The following SEMA6D variants were observed in gnomAD, a reference collection of about 807,000 sequenced individuals.
The protein encoded by SEMA6D is semaphorin-6D.
A neutral mutation model predicts 106.6 loss-of-function variants in SEMA6D; 35 were observed. The observed-to-expected ratio is 0.33, with a 90% CI of 0.25 to 0.44. The LOEUF is 0.44. Among genes scored for constraint, SEMA6D ranks in the 20% least tolerant of loss-of-function variants. SEMA6D has a pLI of 1.00. For missense variants in SEMA6D, 1,185 were observed against 1,345.9 expected (o/e 0.88, Z 1.87); for synonymous variants, 499 against 487.7 (o/e 1.02, Z -0.31).
Position 47,274,170 on chromosome 15 carries a change from C to T in SEMA6D, c.-239+89752C>T, listed in dbSNP as rs573353078. The T allele has an allele frequency of 2.6e-5, 4 of 152,200 alleles. No homozygotes were observed. The East Asian group carries it at 5.8e-4, about 22-fold the overall frequency. The allele number at this position is 152,200 out of a possible 1,614,324, so 9.4% of individuals were successfully genotyped here. On this transcript the variant is annotated intron_variant, in intron 1 of 19. Coordinates refer to the SEMA6D transcript ENST00000558014. Reference sequence around the variant, plus strand: ...TAAAAAATAAAAGAGGAAAAACATCCGCCTGCTTGTTTAAGATGCTCAGCA... The same window carrying T: ...TAAAAAATAAAAGAGGAAAAACATCTGCCTGCTTGTTTAAGATGCTCAGCA...
chr15:47,332,428 G>C (rs936130111), intron 1 of SEMA6D, among the ~76,000 whole-genome samples: 3 of 152,202 alleles, frequency 2.0e-5, no homozygotes, highest in Admixed American at 6.5e-5. Flanking sequence ...TTATCTTTAA[G>C]TTCAAGGTTT....
intron 3 of SEMA6D, among the ~76,000 whole-genome samples, chr15:47,584,446 G>A (rs2076303621): frequency 6.6e-6 from 1 of 151,870 alleles, no homozygotes; most frequent in South Asian, 2.1e-4. Flanking sequence ...AAAAAGGAGA[G>A]TGAATGAATG....
intron 1 of SEMA6D, among the ~76,000 whole-genome samples, chr15:47,343,077 T>C (rs2037886814): frequency 2.0e-5 from 3 of 152,120 alleles, no homozygotes; most frequent in Admixed American, 2.0e-4. Context: ...GTATCTTCCC[T>C]GTTGATTTCC....
chr15:47,443,255 G>A (rs1410483452), intron 2 of SEMA6D, among the ~76,000 whole-genome samples: 1 of 152,030 alleles, frequency 6.6e-6, no homozygotes, highest in Admixed American at 6.6e-5. Flanking sequence ...TTGAAACTTG[G>A]CAAGCTGTTA....
intron 4 of SEMA6D, among the ~76,000 whole-genome samples, chr15:47,605,593 C>A (rs771621505): frequency 6.6e-6 from 1 of 152,180 alleles, no homozygotes; most frequent in Admixed American, 6.5e-5. Context: ...GAGAACAGCA[C>A]CTCCCCAACT....
intron 1 of SEMA6D, among the ~76,000 whole-genome samples, chr15:47,243,692 T>C (rs2033049302): frequency 6.6e-6 from 1 of 152,146 alleles, no homozygotes; most frequent in Non-Finnish European, 1.5e-5. Flanking sequence ...CAGAGCATAA[T>C]GAAGTGGAGA....
intron 1 of SEMA6D, among the ~76,000 whole-genome samples, chr15:47,261,561 T>G (rs1175228829): frequency 1.3e-5 from 2 of 152,178 alleles, no homozygotes; most frequent in Non-Finnish European, 2.9e-5. Flanking sequence ...TATAATTTAA[T>G]AATTTTAAGT....
At chr15:47,636,496 A>G (rs2077391094) in intron 4 of SEMA6D, among the ~76,000 whole-genome samples, 1 of 151,950 alleles carries the variant, frequency 6.6e-6, no homozygotes, top group South Asian at 2.1e-4. Flanking sequence ...TGAATTTCCT[A>G]CCCCAAGCTT....
At chr15:47,664,680 C>T (rs1454585048) in intron 4 of SEMA6D, among the ~76,000 whole-genome samples, 1 of 152,168 alleles carries the variant, frequency 6.6e-6, no homozygotes, top group Non-Finnish European at 1.5e-5. Flanking sequence ...CTTCCTGCCC[C>T]GTGTGTACCT....
intron 1 of SEMA6D, among the ~76,000 whole-genome samples, chr15:47,227,041 T>A (rs1566937572): frequency 6.6e-6 from 1 of 152,140 alleles, no homozygotes; most frequent in East Asian, 1.9e-4. Flanking sequence ...AAAGGTGTAA[T>A]AGGATGAATT....
intron 1 of SEMA6D, among the ~76,000 whole-genome samples, chr15:47,242,325 T>TA (rs2032961667): frequency 6.6e-6 from 1 of 152,134 alleles, no homozygotes; most frequent in Admixed American, 6.6e-5. Context: ...ATCAACCCAT[T>TA]TTTGCCTGAT....
At chr15:47,271,528 T>C (rs1180817626) in intron 1 of SEMA6D, among the ~76,000 whole-genome samples, 4 of 152,142 alleles carry the variant, frequency 2.6e-5, no homozygotes, top group Admixed American at 1.3e-4. Context: ...AGAAGAATAT[T>C]ATTTGTTGCT....
chr15:47,384,870 C>G (rs1157952657), intron 1 of SEMA6D, among the ~76,000 whole-genome samples: 1 of 66,328 alleles, frequency 1.5e-5, no homozygotes, highest in Non-Finnish European at 2.8e-5. Flanking sequence ...TATGTTTCCT[C>G]TAGTCCTGGC....
chr15:47,194,095 G>GTGGATGGA (rs1320243782), intron 1 of SEMA6D, among the ~76,000 whole-genome samples: 2 of 150,786 alleles, frequency 1.3e-5, no homozygotes, highest in Non-Finnish European at 3.0e-5. Context: ...GGGTGGATGG[G>GTGGATGGA]TGGATGGATG....
intron 1 of SEMA6D, among the ~76,000 whole-genome samples, chr15:47,721,079 A>G (rs1026863084): frequency 1.3e-5 from 2 of 152,246 alleles, no homozygotes; most frequent in Non-Finnish European, 2.9e-5. Context: ...TATCATTTGC[A>G]AGGAGCTGTG....
At position 47,761,025 on chromosome 15, in the gene SEMA6D, T is replaced by G. The variant is rs2082033020; in HGVS notation, c.269T>G (p.Val90Gly). Residue 90 changes from valine (V) to glycine (G), a missense_variant, in exon 4 of 19, where the codon GTA (valine) becomes GGA (glycine). Coordinates refer to ENST00000536845, the MANE Select transcript of SEMA6D (RefSeq NM_001358351.3). ...TTAAATGAAATGCCCAAAACAGAAG[T>G]AATACCCAACAAGGTGAGCAACTGT... ...VNLNEMPKTE[V>G]IPNKKLTWRS... The G allele has an allele frequency of 6.2e-7, 1 of 1,613,444 alleles. No homozygotes were observed. Among genetic ancestry groups the G allele is most frequent in the African/African-American group, 1.3e-5 (1 of 74,898 alleles).
rs201540927 is a variant in SEMA6D at position 47,761,741 on chromosome 15, C to T, written c.528C>T (p.Ala176=). The change falls in exon 7 of 19, where the codon GCC becomes GCT. Residue 176 remains alanine (A), a synonymous_variant. Coordinates refer to ENST00000536845, the MANE Select transcript of SEMA6D (RefSeq NM_001358351.3). The stretch of plus-strand genomic sequence containing the variant: ...TTGATGCCAGACAAACCAATGTTGC[C>T]CTCTTTGCTGGTAAGATCCTTTAGC... The part of the protein sequence containing the change: ...CPFDARQTNV[A]LFADGKLYSA... 6.2e-7 allele frequency: 1 copy of T among 1,610,806 alleles called. No homozygotes were observed. The highest frequency in any genetic ancestry group is 8.5e-7 in the Non-Finnish European group (1 of 1,178,488).
chr15:47,333,325 C>T (rs1010253669), intron 1 of SEMA6D, among the ~76,000 whole-genome samples: 7 of 151,964 alleles, frequency 4.6e-5, no homozygotes, highest in African/African-American at 1.7e-4. Context: ...AATAATTGAT[C>T]AAAACCTAAA....
At chr15:47,350,393 C>T (rs79164580) in intron 1 of SEMA6D, among the ~76,000 whole-genome samples, 2,444 of 152,238 alleles carry the variant, frequency 0.016, 63 homozygotes, top group East Asian at 0.082. Context: ...ACTTGAATAT[C>T]TTTGAAATTG....
Sources: allele counts gnomAD v4.1 joint callset (sites outside exome capture counted in the v4.1 genomes callset), GRCh38; gene constraint gnomAD v4.1.1; transcripts MANE v1.5; gene names NCBI Gene and HGNC (gene_info 2026-07-23, HGNC 2026-07-21).